Variants in MCPH1 observed in about 807,000 individuals in gnomAD.
MCPH1 encodes microcephalin 1.
A neutral mutation model predicts 84.5 loss-of-function variants in MCPH1; 104 were observed. The ratio of observed to expected loss-of-function variants is 1.23; its 90% CI spans 1.05 to 1.45. MCPH1 has a LOEUF of 1.45. MCPH1 is among the 40% of genes most tolerant of loss of function. The probability of loss-of-function intolerance (pLI) is 0.00; values close to 1 mark genes in which losing one functional copy is unlikely to be tolerated. For synonymous variants in MCPH1, 514 were observed against 366.8 expected, an observed-to-expected ratio of 1.40 and a Z score of -4.58; for missense variants, 1,498 against 1,005.7, an observed-to-expected ratio of 1.49 and a Z score of -6.62.
intron 2 of MCPH1, among the ~76,000 whole-genome samples, chr8:6,413,445 G>T (rs1166362206): frequency 1.3e-5 from 2 of 151,056 alleles, no homozygotes; most frequent in African/African-American, 4.9e-5. Flanking sequence ...ATATCCTTTA[G>T]TTTGAGAAAC....
intron 12 of MCPH1, among the ~76,000 whole-genome samples, chr8:6,544,610 A>C (rs1822208407): frequency 6.6e-6 from 1 of 152,194 alleles, no homozygotes; most frequent in Admixed American, 6.5e-5. Context: ...GTTGAGTAAG[A>C]ACCGACATGC....
intron 3 of MCPH1, among the ~76,000 whole-genome samples, chr8:6,419,682 A>T (rs1799882382): frequency 6.6e-6 from 1 of 151,884 alleles, no homozygotes; most frequent in African/African-American, 2.4e-5. Context: ...CCGGCATTAA[A>T]GAATTTTTTT....
intron 12 of MCPH1, among the ~76,000 whole-genome samples, chr8:6,590,088 G>C (rs979478312): frequency 2.0e-5 from 3 of 152,118 alleles, no homozygotes; most frequent in African/African-American, 4.8e-5. Context: ...AAAAGTGGGG[G>C]AGTGAGGAAC....
intron 12 of MCPH1, among the ~76,000 whole-genome samples, chr8:6,611,793 T>A (rs1356571619): frequency 6.6e-6 from 1 of 151,994 alleles, no homozygotes; most frequent in East Asian, 1.9e-4. Flanking sequence ...TAATTTTTTG[T>A]ATTTTTAGCG....
intron 12 of MCPH1, among the ~76,000 whole-genome samples, chr8:6,549,396 A>G (rs1586561943): frequency 6.6e-6 from 1 of 152,350 alleles, no homozygotes; most frequent in African/African-American, 2.4e-5. Context: ...ACCTAGCAAA[A>G]TTAACCCATG....
chr8:6,612,532 G>A (rs1830375345), intron 12 of MCPH1, among the ~76,000 whole-genome samples: 1 of 152,128 alleles, frequency 6.6e-6, no homozygotes, highest in African/African-American at 2.4e-5. Flanking sequence ...TGCCTGCCCC[G>A]CTCAGTGCAT....
In MCPH1 at chr8:6,445,136, G is replaced by A; in HGVS notation, c.1414G>A (p.Asp472Asn). Residue 472 changes from aspartate to asparagine, a missense_variant, in exon 8 of 14, where the codon GAC (aspartate) becomes AAC (asparagine). Asp to Asn is a conservative substitution (Grantham distance 23). Transcript: ENST00000344683. Reference sequence around the variant, plus strand: ...CGTTGGCAAAAAAACCAGAACAGTTGACATTACCAATTTCACAGCAAAAAC... The same window carrying A: ...CGTTGGCAAAAAAACCAGAACAGTTAACATTACCAATTTCACAGCAAAAAC... ...SCVGKKTRTV[D>N]ITNFTAKTIS... is the part of the protein sequence containing the mutation. 1.9e-6 allele frequency: 3 copies of A among 1,614,226 alleles called. No individual in the cohort carries two copies. The highest frequency in any genetic ancestry group is 2.5e-6 in the Non-Finnish European group (3 of 1,180,054).
chr8:6,487,484 G>GTGT (rs1810074906), intron 11 of MCPH1, among the ~76,000 whole-genome samples: 1 of 152,182 alleles, frequency 6.6e-6, no homozygotes, highest in Non-Finnish European at 1.5e-5. Flanking sequence ...CTTTTCACTG[G>GTGT]TGTTAGTTCA....
chr8:6,435,645 C>G (rs1267148518), intron 4 of MCPH1, among the ~76,000 whole-genome samples: 1 of 152,114 alleles, frequency 6.6e-6, no homozygotes, highest in African/African-American at 2.4e-5. Context: ...TGGGCATGCT[C>G]AAGTGACGTA....
intron 12 of MCPH1, among the ~76,000 whole-genome samples, chr8:6,602,945 G>A (rs775221694): frequency 8.6e-5 from 13 of 152,008 alleles, no homozygotes; most frequent in Non-Finnish European, 1.6e-4. Flanking sequence ...ATGTGTGTCT[G>A]TGTACATAGG....
At chr8:6,563,004 C>T (rs1189774925) in intron 12 of MCPH1, 15 of 1,500,496 alleles carry the variant, frequency 1.0e-5, no homozygotes, top group Non-Finnish European at 9.9e-6. Context: ...TCCCGAGCTG[C>T]TGCCGTCTAA....
chr8:6,575,748 C>G (rs1827023691), intron 12 of MCPH1, among the ~76,000 whole-genome samples: 1 of 152,090 alleles, frequency 6.6e-6, no homozygotes, highest in African/African-American at 2.4e-5. Context: ...TGACAGATGT[C>G]TTTATAAGAG....
intron 12 of MCPH1, among the ~76,000 whole-genome samples, chr8:6,518,129 C>G (rs991449811): frequency 3.9e-5 from 6 of 152,154 alleles, no homozygotes; most frequent in Non-Finnish European, 8.8e-5. Flanking sequence ...TGCACTTAGA[C>G]TGAGAAACAT....
At chr8:6,419,756 C>G (rs551723998) in intron 3 of MCPH1, among the ~76,000 whole-genome samples, 11 of 152,178 alleles carry the variant, frequency 7.2e-5, no homozygotes, top group African/African-American at 2.4e-4. Flanking sequence ...ACTCCAGCCT[C>G]TCAAAGTGCT....
chr8:6,438,912 G>A, intron 5 of MCPH1, 41 bp from the exon 6 acceptor site: 1 of 1,594,004 alleles, frequency 6.3e-7, no homozygotes, highest in East Asian at 2.2e-5. Flanking sequence ...AAGTATGAAG[G>A]CACTTTTTGG....
intron 12 of MCPH1, among the ~76,000 whole-genome samples, chr8:6,528,816 C>G (rs922093764): frequency 2.6e-5 from 4 of 152,214 alleles, no homozygotes; most frequent in Non-Finnish European, 4.4e-5. Flanking sequence ...TTTGCAGGAG[C>G]CTTGGCTGGT....
At chr8:6,524,571 G>A (rs185085830) in intron 12 of MCPH1, among the ~76,000 whole-genome samples, 10 of 152,272 alleles carry the variant, frequency 6.6e-5, no homozygotes, top group African/African-American at 1.4e-4. Flanking sequence ...CTTACCTTCC[G>A]TTTAACAGAG....
chr8:6,444,861 C>A lies in MCPH1; in HGVS notation c.1139C>A (p.Ser380Tyr), dbSNP rs766284057. The A allele has an allele frequency of 7.4e-6, 12 of 1,614,088 alleles. No homozygotes were observed. Among genetic ancestry groups the A allele is most frequent in the Admixed American group, 5.0e-5 (3 of 60,006 alleles). The change falls in exon 8 of 14, where the codon TCT becomes TAT. Residue 380 changes from serine to tyrosine, a missense_variant. Transcript: ENST00000344683. ...AAGAGAAAGAGGAGCACCAGGAGAT[C>A]TATCATGCCGAGGCTGCAGCTGTGC... ...KCKRKRSTRR[S>Y]IMPRLQLCRS...
intron 12 of MCPH1, among the ~76,000 whole-genome samples, chr8:6,618,236 T>C (rs1319138556): frequency 6.6e-6 from 1 of 152,250 alleles, no homozygotes; most frequent in Non-Finnish European, 1.5e-5. Flanking sequence ...CCAGTGGTGA[T>C]ACAATGAGAA....
Sources: allele counts gnomAD v4.1 joint callset (sites outside exome capture counted in the v4.1 genomes callset), GRCh38; gene constraint gnomAD v4.1.1; transcripts MANE v1.5; gene names NCBI Gene and HGNC (gene_info 2026-07-23, HGNC 2026-07-21).